The following BMERB1 variants were observed in gnomAD, a reference collection of about 807,000 sequenced individuals.
BMERB1 encodes the protein bMERB domain-containing protein 1.
Under a neutral mutation model 23.6 loss-of-function variants are expected in BMERB1, and 12 were observed. The observed-to-expected ratio is 0.51, with a 90% CI of 0.33 to 0.82. The LOEUF (loss-of-function observed/expected upper bound fraction) is 0.82. BMERB1 is among the 40% of genes least tolerant of loss of function. The pLI is 0.03. For synonymous variants in BMERB1, 122 were observed against 96.6 expected, an observed-to-expected ratio of 1.26 and a Z score of -1.54; for missense variants, 247 against 255.4, an observed-to-expected ratio of 0.97 and a Z score of 0.22.
At chr16:15,526,155 AT>A in intron 2 of BMERB1, among the ~76,000 whole-genome samples, 1 of 152,202 alleles carries the variant, frequency 6.6e-6, no homozygotes, top group Non-Finnish European at 1.5e-5. Context: ...GGACATTTCT[AT>A]TGTTGTAGAA....
chr16:15,534,324 C>T (rs1428105106), intron 2 of BMERB1, among the ~76,000 whole-genome samples: 1 of 147,886 alleles, frequency 6.8e-6, no homozygotes. Context: ...AAGAAAAGGC[C>T]AGGCGCGGTG....
At chr16:15,530,903 C>CTTTTTT (rs1220558728) in intron 2 of BMERB1, among the ~76,000 whole-genome samples, 40 of 109,214 alleles carry the variant, frequency 3.7e-4, no homozygotes, top group East Asian at 1.1e-3. Flanking sequence ...TTTCTTCTTT[C>CTTTTTT]TTTTTTTTTT....
In BMERB1 at chr16:15,470,814, G is replaced by A. The variant is rs557659077; in HGVS notation, c.106+36055G>A. Among the ~76,000 whole-genome samples, 210 of 136,028 alleles carry A rather than the reference G, an allele frequency of 1.5e-3. 1 individual carries two copies. Among genetic ancestry groups the A allele is most frequent in the Middle Eastern group, 9.0e-3 (2 of 222 alleles). The allele number at this position is 136,028 out of a possible 152,430, so 89.2% of individuals were successfully genotyped here. A position where few individuals can be genotyped will look rare whatever the true frequency, so the allele number is the denominator to read the frequency against. On this transcript the variant is annotated intron_variant, in intron 1 of 5. Coordinates refer to ENST00000300006, the MANE Select transcript of BMERB1 (RefSeq NM_033201.3). Reference sequence around the variant, plus strand: ...GCTGGGATTATAGGCATGAGCCACCGCACCTGGCCTCTTTTTTTTTTTTTT... The same window carrying A: ...GCTGGGATTATAGGCATGAGCCACCACACCTGGCCTCTTTTTTTTTTTTTT...
intron 3 of BMERB1, 114 bp downstream of exon 3, chr16:15,568,170 C>CG (rs2030630016): frequency 2.5e-6 from 2 of 794,010 alleles, no homozygotes; most frequent in African/African-American, 3.4e-5. Context: ...TGCAGTGCTC[C>CG]CTGACTGCAT....
At chr16:15,435,703 G>T (rs565900592) in intron 1 of BMERB1, among the ~76,000 whole-genome samples, 1 of 152,194 alleles carries the variant, frequency 6.6e-6, no homozygotes, top group Admixed American at 6.5e-5. Context: ...AGCGATGTAG[G>T]GCTAAAGTAT....
At position 15,503,304 on chromosome 16, in the gene BMERB1, C is replaced by T. The variant is rs185799727; in HGVS notation, c.107-12001C>T. ...TCCAAGGATTTTTTTTTTTTTGAGACGGAGTCTCGCTCTGTTGCCCAGGCT... is the reference window on the plus strand; with the variant it reads ...TCCAAGGATTTTTTTTTTTTTGAGATGGAGTCTCGCTCTGTTGCCCAGGCT... On this transcript the variant is annotated intron_variant, in intron 1 of 5. Coordinates refer to ENST00000300006, the MANE Select transcript of BMERB1 (RefSeq NM_033201.3). 5.0e-3 allele frequency among the ~76,000 whole-genome samples: 758 copies of T among 151,292 alleles called. 5 individuals carry two copies. The highest frequency in any genetic ancestry group is 0.017 in the African/African-American group (719 of 41,208).
chr16:15,513,201 G>C (rs1003236703), intron 1 of BMERB1, among the ~76,000 whole-genome samples: 2 of 152,156 alleles, frequency 1.3e-5, no homozygotes, highest in African/African-American at 4.8e-5. Flanking sequence ...AGATGTGTGC[G>C]AAGTTTTCAC....
intron 1 of BMERB1, among the ~76,000 whole-genome samples, chr16:15,492,170 G>A (rs2051427147): frequency 6.6e-6 from 1 of 152,180 alleles, no homozygotes; most frequent in Admixed American, 6.5e-5. Context: ...CCAACTGGCT[G>A]CACCATTGCC....
chr16:15,556,247 C>G (rs1598517600), intron 2 of BMERB1, among the ~76,000 whole-genome samples: 1 of 151,904 alleles, frequency 6.6e-6, no homozygotes, highest in African/African-American at 2.4e-5. Context: ...TGAGATAGTC[C>G]AGGAGAGTCT....
At chr16:15,567,399 G>A (rs2030601078) in intron 2 of BMERB1, among the ~76,000 whole-genome samples, 1 of 152,038 alleles carries the variant, frequency 6.6e-6, no homozygotes, top group Non-Finnish European at 1.5e-5. Flanking sequence ...ACTTATATAA[G>A]CAAACCTAAG....
In BMERB1 at chr16:15,587,126, T is replaced by A; in HGVS notation, c.*297T>A. ...CTCCCTCAAAAAAGCATATCTCCACTTCTCTCTAGCTGTATCTAACCCACC... is the reference window on the plus strand; with the variant it reads ...CTCCCTCAAAAAAGCATATCTCCACATCTCTCTAGCTGTATCTAACCCACC... On this transcript the variant is annotated 3_prime_UTR_variant, in exon 6 of 6. Transcript: ENST00000300006. 3 of 396,484 alleles carry A rather than the reference T, an allele frequency of 7.6e-6. No homozygotes were observed. The South Asian group carries it at 1.0e-4, about 14-fold the overall frequency. The allele number at this position is 396,484 out of a possible 1,614,324, so 24.6% of individuals were successfully genotyped here.
intron 2 of BMERB1, among the ~76,000 whole-genome samples, chr16:15,547,403 A>T (rs556701090): frequency 6.8e-6 from 1 of 147,820 alleles, no homozygotes; most frequent in East Asian, 2.0e-4. Context: ...GTGCAATGGC[A>T]GGATCTCGGC....
Position 15,515,389 on chromosome 16 carries a change from G to T in BMERB1, c.191G>T (p.Arg64Leu), listed in dbSNP as rs770031905. ...GAGATGGCAAAAATTCAGCGTCTCC[G>T]GGAAGTCTTGGTCCGCCGGGAGTCT... The part of the protein sequence containing the change: ...ELEMAKIQRL[R>L]EVLVRRESEL... The change falls in exon 2 of 6, where the codon CGG (arginine) becomes CTG (leucine). Residue 64 changes from arginine (R) to leucine (L), a missense_variant. Arg to Leu is a moderately radical substitution (Grantham distance 102). Transcript: ENST00000300006. 3 of 1,613,844 alleles carry T rather than the reference G, an allele frequency of 1.9e-6. No individual in the cohort carries two copies. The African/African-American group carries it at 4.0e-5, about 22-fold the overall frequency.
intron 1 of BMERB1, among the ~76,000 whole-genome samples, chr16:15,438,667 C>G (rs1370094268): frequency 6.6e-6 from 1 of 152,118 alleles, no homozygotes; most frequent in Admixed American, 6.6e-5. Context: ...ACCATGTTGG[C>G]CAGGCTGGTC....
intron 1 of BMERB1, among the ~76,000 whole-genome samples, chr16:15,461,227 G>A (rs561324800): frequency 6.6e-6 from 1 of 152,124 alleles, no homozygotes; most frequent in African/African-American, 2.4e-5. Flanking sequence ...TAGACATTTT[G>A]CTGTGGGAGG....
intron 1 of BMERB1, among the ~76,000 whole-genome samples, chr16:15,504,337 A>G (rs1421562144): frequency 2.0e-5 from 3 of 152,222 alleles, no homozygotes; most frequent in Non-Finnish European, 4.4e-5. Context: ...TTCAATGAAT[A>G]TAGTTAATAA....
intron 2 of BMERB1, among the ~76,000 whole-genome samples, chr16:15,529,960 T>C (rs926577994): frequency 1.3e-5 from 2 of 152,184 alleles, no homozygotes; most frequent in African/African-American, 4.8e-5. Flanking sequence ...TTCACTGAGC[T>C]GAAATCAGGT....
At position 15,547,816 on chromosome 16, in the gene BMERB1, T is replaced by C. The variant is rs145473440; in HGVS notation, c.231-20167T>C. Among the ~76,000 whole-genome samples, 234 of 152,300 alleles carry C rather than the reference T, an allele frequency of 1.5e-3. 2 individuals carry two copies. Among genetic ancestry groups the C allele is most frequent in the African/African-American group, 5.3e-3 (221 of 41,570 alleles). On this transcript the variant is annotated intron_variant, in intron 2 of 5. Coordinates refer to ENST00000300006, the MANE Select transcript of BMERB1 (RefSeq NM_033201.3). ...ACAGGTCAGTGTCCCAGCTCCACCA[T>C]TGACTAGCTGTGTGATTCCGATGGA... is the stretch of plus-strand genomic sequence containing the variant.
chr16:15,576,796 C>A (rs975280546), intron 3 of BMERB1, among the ~76,000 whole-genome samples: 6 of 151,904 alleles, frequency 3.9e-5, no homozygotes, highest in African/African-American at 1.5e-4. Flanking sequence ...GGTTCGTTGT[C>A]TCTCTCCAAG....
Sources: gnomAD v4.1 joint callset for allele counts (sites outside exome capture counted in the v4.1 genomes callset) on GRCh38, gnomAD v4.1.1 for gene constraint, MANE v1.5 for transcripts, NCBI Gene and HGNC (gene_info 2026-07-23, HGNC 2026-07-21) for gene names.